The following CCDC171 variants were observed in gnomAD, a reference collection of about 807,000 sequenced individuals.
CCDC171 encodes the protein coiled-coil domain-containing protein 171.
A neutral mutation model predicts 168.2 loss-of-function variants in CCDC171; 177 were observed. That is an observed-to-expected ratio of 1.05 (90% confidence interval 0.93 to 1.19). CCDC171 has a LOEUF of 1.19. Ranked by LOEUF, CCDC171 falls within the 50% of genes most tolerant of loss-of-function variation. The pLI is 0.00. For synonymous variants in CCDC171, 687 were observed against 540.8 expected (o/e 1.27, Z -3.75); for missense variants, 1,991 against 1,539.0 (o/e 1.29, Z -4.91).
intron 21 of CCDC171, among the ~76,000 whole-genome samples, chr9:15,801,845 T>C (rs548408729): frequency 6.6e-6 from 1 of 152,248 alleles, no homozygotes; most frequent in East Asian, 1.9e-4. Context: ...TGTTGAATTT[T>C]ATCAAATGCT....
chr9:15,664,393 C>T (rs1262155760), intron 8 of CCDC171, among the ~76,000 whole-genome samples: 8 of 152,094 alleles, frequency 5.3e-5, no homozygotes, highest in Non-Finnish European at 1.2e-4. Flanking sequence ...GCATTACAAA[C>T]GCGTGACACC....
At chr9:16,057,841 G>A (rs1338450497) in intron 1 of CCDC171, among the ~76,000 whole-genome samples, 1 of 152,206 alleles carries the variant, frequency 6.6e-6, no homozygotes, top group Admixed American at 6.5e-5. Context: ...GCATCAGAGA[G>A]ATTGGCTGCA....
the CCDC171 span, among the ~76,000 whole-genome samples, chr9:16,072,425 G>A: frequency 8.5e-5 from 13 of 152,274 alleles, no homozygotes; most frequent in Admixed American, 1.3e-4. Context: ...TCATGCCACA[G>A]TCACCTTTTC....
intron 7 of CCDC171, 60 bp downstream of exon 7, chr9:15,623,473 G>GTGCACACACA (rs1554714865): frequency 1.5e-5 from 7 of 464,716 alleles, no homozygotes; most frequent in Non-Finnish European, 2.2e-5. Flanking sequence ...ATGCGCGCGC[G>GTGCACACACA]CGCACACACA....
intron 21 of CCDC171, among the ~76,000 whole-genome samples, chr9:15,822,415 A>C (rs1588691798): frequency 6.6e-6 from 1 of 151,858 alleles, no homozygotes; most frequent in African/African-American, 2.4e-5. Flanking sequence ...AATGGGAGAA[A>C]ATTTTTGCAA....
chr9:15,961,270 T>C (rs995956068), intron 25 of CCDC171, among the ~76,000 whole-genome samples: 1 of 152,158 alleles, frequency 6.6e-6, no homozygotes, highest in Non-Finnish European at 1.5e-5. Context: ...TTTTTGACAT[T>C]AAATAAAAAA....
In CCDC171 at chr9:15,744,282, G is replaced by A. The variant is rs531198274; in HGVS notation, c.2059G>A (p.Glu687Lys). The A allele has an allele frequency of 1.3e-5, 21 of 1,579,380 alleles. No homozygotes were observed. In the South Asian group the frequency reaches 2.0e-4, roughly 15 times the overall value. ...TTGACTTCTTCCATAGAAATTTCAA[G>A]AAATTGCTGAAAAAAACATGGAAAA... ...EVQKRAQKFQEIAEKNMEKLN... is the reference protein window; with the variant it reads ...EVQKRAQKFQKIAEKNMEKLN... Residue 687 changes from glutamate to lysine, a missense_variant, in exon 17 of 26, where the codon GAA becomes AAA. Coordinates refer to ENST00000380701, the MANE Select transcript of CCDC171 (RefSeq NM_173550.4).
At chr9:16,096,844 T>C in the CCDC171 span, among the ~76,000 whole-genome samples, 102 of 152,310 alleles carry the variant, frequency 6.7e-4, 2 homozygotes, top group South Asian at 0.02. Context: ...ACTTTGTAGA[T>C]AGTACTTTTG....
chr9:15,621,940 C>G (rs1320022737), intron 6 of CCDC171, among the ~76,000 whole-genome samples: 2 of 152,144 alleles, frequency 1.3e-5, no homozygotes, highest in East Asian at 3.8e-4. Context: ...TCATTAAATA[C>G]TATGCAGCCA....
chr9:15,945,712 C>T (rs895708333), intron 25 of CCDC171, among the ~76,000 whole-genome samples: 1 of 151,444 alleles, frequency 6.6e-6, no homozygotes, highest in South Asian at 2.1e-4. Flanking sequence ...CCTTCACCCC[C>T]TTTTTGATGG....
At chr9:15,693,107 C>A (rs1489932373) in intron 10 of CCDC171, among the ~76,000 whole-genome samples, 4 of 151,838 alleles carry the variant, frequency 2.6e-5, no homozygotes, top group Admixed American at 2.0e-4. Flanking sequence ...ACTGCACTCC[C>A]GCCTGGATGA....
At chr9:15,564,428 A>G (rs1016713375) in intron 2 of CCDC171, among the ~76,000 whole-genome samples, 1 of 152,108 alleles carries the variant, frequency 6.6e-6, no homozygotes, top group African/African-American at 2.4e-5. Context: ...TTTCCCTTGT[A>G]TTTTTTATTT....
intron 3 of CCDC171, among the ~76,000 whole-genome samples, chr9:16,007,149 T>C (rs1832727190): frequency 6.6e-6 from 1 of 152,232 alleles, no homozygotes; most frequent in African/African-American, 2.4e-5. Context: ...TGGTATATCA[T>C]TGTGGTTTTG....
At chr9:16,104,898 C>G in the CCDC171 span, among the ~76,000 whole-genome samples, 132 of 152,254 alleles carry the variant, frequency 8.7e-4, no homozygotes, top group Middle Eastern at 3.4e-3. Context: ...CAATGTAAAA[C>G]TCCAGTAAGA....
intron 24 of CCDC171, among the ~76,000 whole-genome samples, chr9:15,907,541 A>C (rs1822876962): frequency 6.6e-6 from 1 of 152,256 alleles, no homozygotes; most frequent in Non-Finnish European, 1.5e-5. Flanking sequence ...GTTAGATTTA[A>C]AACCATAAAA....
chr9:16,078,082 A>G, the CCDC171 span, among the ~76,000 whole-genome samples: 1 of 132,056 alleles, frequency 7.6e-6, no homozygotes, highest in Non-Finnish European at 1.6e-5. Context: ...ACACACACAC[A>G]CACACACACA....
chr9:16,073,700 C>T, the CCDC171 span, among the ~76,000 whole-genome samples: 2 of 152,182 alleles, frequency 1.3e-5, no homozygotes, highest in African/African-American at 4.8e-5. Context: ...AAATCGCGAT[C>T]TGGCAGCTGA....
intron 3 of CCDC171, among the ~76,000 whole-genome samples, chr9:15,997,442 G>T (rs1375350906): frequency 6.6e-6 from 1 of 152,168 alleles, no homozygotes; most frequent in Non-Finnish European, 1.5e-5. Context: ...TAAAAAATAA[G>T]TTTTTTGTTG....
At chr9:16,014,125 C>T (rs1304875847) in intron 3 of CCDC171, among the ~76,000 whole-genome samples, 1 of 152,234 alleles carries the variant, frequency 6.6e-6, no homozygotes, top group Non-Finnish European at 1.5e-5. Context: ...GTCCTCTCAA[C>T]CCTTGCCACT....
Sources: gnomAD v4.1 joint callset for allele counts (sites outside exome capture counted in the v4.1 genomes callset) on GRCh38, gnomAD v4.1.1 for gene constraint, MANE v1.5 for transcripts, NCBI Gene and HGNC (gene_info 2026-07-23, HGNC 2026-07-21) for gene names.